TMEM131L: variants seen among roughly 807,000 people sequenced by gnomAD.
TMEM131L encodes the protein transmembrane 131 like.
A neutral mutation model predicts 192.2 loss-of-function variants in TMEM131L; 54 were observed. The observed-to-expected ratio is 0.28, with a 90% CI of 0.23 to 0.35. The LOEUF is 0.35. Ranked by LOEUF, TMEM131L falls within the 10% of genes least tolerant of loss-of-function variation. TMEM131L has a pLI of 1.00. For synonymous variants in TMEM131L, 701 were observed against 704.9 expected (o/e 0.99, Z 0.09); for missense variants, 1,888 against 1,972.9 (o/e 0.96, Z 0.82).
intron 25 of TMEM131L, among the ~76,000 whole-genome samples, chr4:153,607,720 T>TC (rs917288440): frequency 3.9e-5 from 6 of 152,110 alleles, no homozygotes; most frequent in African/African-American, 1.2e-4. Flanking sequence ...TTCTGAGGCT[T>TC]CCCCCCACCC....
At position 153,602,110 on chromosome 4, in the gene TMEM131L, A is replaced by G. The variant is rs1731881831; in HGVS notation, c.2267-42A>G. The G allele has an allele frequency of 5.4e-6, 6 of 1,112,654 alleles. No individual in the cohort carries two copies. The East Asian group carries it at 1.1e-4, about 20-fold the overall frequency. 68.9% of individuals were successfully genotyped at this position (1,112,654 alleles called of 1,614,324 possible). A position where few individuals can be genotyped will look rare whatever the true frequency, so the allele number is the denominator to read the frequency against. On this transcript the variant is annotated intron_variant, in intron 21 of 34. Transcript: ENST00000409959. ...CAATAAATTATTTTAAATAAATTTT[A>G]TAGTTCACATATACTAAATATCTTT...
chr4:153,519,139 T>C (rs967813526), intron 3 of TMEM131L, among the ~76,000 whole-genome samples: 1 of 152,206 alleles, frequency 6.6e-6, no homozygotes, highest in African/African-American at 2.4e-5. Flanking sequence ...AGAAGTCTTA[T>C]GAGCATTGTA....
At chr4:153,574,969 C>T (rs1729838042) in intron 7 of TMEM131L, among the ~76,000 whole-genome samples, 1 of 152,166 alleles carries the variant, frequency 6.6e-6, no homozygotes, top group Non-Finnish European at 1.5e-5. Context: ...AATACAGAAT[C>T]TAAGATTGGG....
At chr4:153,628,226 C>G (rs527977039) in intron 31 of TMEM131L, among the ~76,000 whole-genome samples, 1 of 152,204 alleles carries the variant, frequency 6.6e-6, no homozygotes, top group Admixed American at 6.5e-5. Flanking sequence ...CTTCTGCCTG[C>G]GGGGAAGGCA....
rs561425966 is a variant in TMEM131L, at chr4:153,527,141, T to C, written c.240-22932T>C. Reference sequence around the variant, plus strand: ...GCTCATGTTGGCTACAGTCCATTGATGTTTTAGGATTTGGGGTTATTCTAG... The same window carrying C: ...GCTCATGTTGGCTACAGTCCATTGACGTTTTAGGATTTGGGGTTATTCTAG... On this transcript the variant is annotated intron_variant, in intron 3 of 34. Transcript: ENST00000409959. 1.2e-4 allele frequency among the ~76,000 whole-genome samples: 19 copies of C among 152,282 alleles called. No homozygotes were observed. In the East Asian group the frequency reaches 3.5e-3, roughly 28 times the overall value.
intron 27 of TMEM131L, 70 bp downstream of exon 27, chr4:153,620,950 A>G: frequency 8.2e-7 from 1 of 1,224,666 alleles, no homozygotes; most frequent in Non-Finnish European, 1.1e-6. Flanking sequence ...TTGGCTATTC[A>G]CTTTTAAACT....
chr4:153,469,138 G>A (rs1263900706), intron 2 of TMEM131L, among the ~76,000 whole-genome samples: 4 of 152,202 alleles, frequency 2.6e-5, no homozygotes, highest in African/African-American at 7.2e-5. Context: ...TCAGAATTCA[G>A]AAGCTGTCTG....
rs150337304 is a variant in TMEM131L at position 153,540,345 on chromosome 4, T to A, written c.240-9728T>A. ...TTTTTCACTTCGTTAAAACTCTTCC[T>A]CCAGCCTTACCTGAAGACAGCACGT... On this transcript the variant is annotated intron_variant, in intron 3 of 34. Transcript: ENST00000409959. Among the ~76,000 whole-genome samples, 30 of 152,296 alleles carry A rather than the reference T, an allele frequency of 2.0e-4. No homozygotes were observed. The East Asian group carries it at 5.8e-3, about 29-fold the overall frequency.
At chr4:153,626,376 A>T in intron 30 of TMEM131L, 151 bp downstream of exon 30, 1 of 599,752 alleles carries the variant, frequency 1.7e-6, no homozygotes, top group East Asian at 2.8e-5. Flanking sequence ...TTATTAATTC[A>T]GGAGTGGCGC....
intron 17 of TMEM131L, among the ~76,000 whole-genome samples, 166 bp downstream of exon 17, chr4:153,591,360 GAAAC>G (rs148283423): frequency 0.041 from 6,218 of 152,234 alleles, 428 homozygotes; most frequent in African/African-American, 0.14. Context: ...GAAAATGCAG[GAAAC>G]AAATAGACTT....
intron 2 of TMEM131L, among the ~76,000 whole-genome samples, chr4:153,467,614 AGT>A (rs779194281): frequency 6.6e-6 from 1 of 152,182 alleles, no homozygotes; most frequent in Non-Finnish European, 1.5e-5. Context: ...GTGGATGGCA[AGT>A]GGCTAAGAGG....
intron 7 of TMEM131L, among the ~76,000 whole-genome samples, chr4:153,577,209 C>T (rs550449387): frequency 2.6e-5 from 4 of 152,146 alleles, no homozygotes; most frequent in Non-Finnish European, 2.9e-5. Context: ...TTGGAGCATG[C>T]GCAGGGAGGT....
chr4:153,565,510 A>AT (rs1474642280), intron 7 of TMEM131L, among the ~76,000 whole-genome samples: 4 of 152,212 alleles, frequency 2.6e-5, no homozygotes, highest in Non-Finnish European at 5.9e-5. Flanking sequence ...ACTTTTTGTA[A>AT]TTTTTGTAAT....
chr4:153,604,546 G>C (rs1048349750), intron 25 of TMEM131L, 116 bp downstream of exon 25: 1 of 1,049,130 alleles, frequency 9.5e-7, no homozygotes, highest in Non-Finnish European at 1.4e-6. Flanking sequence ...TTTTAGCAAA[G>C]GTTTAAATAT....
chr4:153,467,132 C>A, intron 1 of TMEM131L, 79 bp from the exon 2 acceptor site: 3 of 1,379,014 alleles, frequency 2.2e-6, no homozygotes, highest in Non-Finnish European at 3.0e-6. Context: ...GCGGGGGGCA[C>A]GGAGGGACGG....
chr4:153,577,879 G>C (rs552942257), intron 7 of TMEM131L, among the ~76,000 whole-genome samples: 1 of 152,196 alleles, frequency 6.6e-6, no homozygotes, highest in African/African-American at 2.4e-5. Flanking sequence ...GAAGATTCAG[G>C]TGGATGCCCA....
At chr4:153,512,232 T>C (rs943882426) in intron 3 of TMEM131L, among the ~76,000 whole-genome samples, 1 of 152,244 alleles carries the variant, frequency 6.6e-6, no homozygotes, top group Non-Finnish European at 1.5e-5. Context: ...CCAGAAATTA[T>C]ATTCTTTGCA....
chr4:153,597,115 C>G (rs1731493253), intron 20 of TMEM131L, among the ~76,000 whole-genome samples: 1 of 151,892 alleles, frequency 6.6e-6, no homozygotes, highest in South Asian at 2.1e-4. Flanking sequence ...TCAGAATTTT[C>G]TTTAATATAT....
intron 3 of TMEM131L, among the ~76,000 whole-genome samples, chr4:153,533,240 C>T (rs1240670698): frequency 6.6e-6 from 1 of 152,136 alleles, no homozygotes; most frequent in Non-Finnish European, 1.5e-5. Context: ...CCGCCTTGGC[C>T]TCCCAAAGTG....
Sources: allele counts gnomAD v4.1 joint callset (sites outside exome capture counted in the v4.1 genomes callset), GRCh38; gene constraint gnomAD v4.1.1; transcripts MANE v1.5; gene names NCBI Gene and HGNC (gene_info 2026-07-23, HGNC 2026-07-21).